BLM: variants seen among roughly 807,000 people sequenced by gnomAD.
The protein encoded by BLM is BLM RecQ like helicase, also known as recQ-like DNA helicase BLM.
In BLM, 95 loss-of-function variants were observed where a neutral mutation model predicts 135.3. The ratio of observed to expected loss-of-function variants is 0.70; its 90% CI spans 0.59 to 0.83. The LOEUF (loss-of-function observed/expected upper bound fraction) is 0.83, where lower values mean the gene tolerates loss of function less well. BLM is among the 40% of genes least tolerant of loss of function. The pLI is 0.00. For missense variants in BLM, 1,518 were observed against 1,663.9 expected, an observed-to-expected ratio of 0.91 and a Z score of 1.53; for synonymous variants, 520 against 589.2, an observed-to-expected ratio of 0.88 and a Z score of 1.70.
chr15:90,725,563 G>T (rs546530705), intron 1 of BLM, among the ~76,000 whole-genome samples: 1 of 149,744 alleles, frequency 6.7e-6, no homozygotes, highest in African/African-American at 2.5e-5. Flanking sequence ...GCACCATCTC[G>T]GCTCACTGCA....
intron 12 of BLM, among the ~76,000 whole-genome samples, chr15:90,774,327 C>T (rs562277060): frequency 1.1e-4 from 16 of 151,862 alleles, no homozygotes; most frequent in African/African-American, 3.9e-4. Context: ...CCATCTCGAC[C>T]TCCCAAAGTG....
At chr15:90,752,274 C>G (rs1895708921) in intron 4 of BLM, among the ~76,000 whole-genome samples, 1 of 151,660 alleles carries the variant, frequency 6.6e-6, no homozygotes, top group African/African-American at 2.4e-5. Flanking sequence ...CTCCCGGGTT[C>G]AAGTGATTCT....
intron 14 of BLM, among the ~76,000 whole-genome samples, chr15:90,785,997 TC>T: frequency 6.9e-6 from 1 of 145,978 alleles, no homozygotes; most frequent in African/African-American, 2.6e-5. Context: ...TTCGTTTCTT[TC>T]TTTTTTTTTT....
chr15:90,815,518 G>A lies in BLM; in HGVS notation c.*239G>A, dbSNP rs987715629. On this transcript the variant is annotated 3_prime_UTR_variant, in exon 22 of 22. Transcript: ENST00000355112. This position sits in a 1 kb window ranked among gnomAD's most constrained non-coding sequence, Gnocchi z 4.6. ...GTTGTTTCTCAGAACGTCTGAGGCAGCAGCTGAATCATCTCAGTGCAAGAG... is the reference window on the plus strand; with the variant it reads ...GTTGTTTCTCAGAACGTCTGAGGCAACAGCTGAATCATCTCAGTGCAAGAG... 1 of 532,736 alleles carries A rather than the reference G, an allele frequency of 1.9e-6. No homozygotes were observed. 33.0% of individuals were successfully genotyped at this position (532,736 alleles called of 1,614,324 possible).
intron 11 of BLM, 73 bp from the exon 12 acceptor site, chr15:90,769,365 A>T: frequency 6.3e-7 from 1 of 1,585,014 alleles, no homozygotes. Flanking sequence ...TTCTTAATAC[A>T]TTGAGCAGTG....
At chr15:90,726,950 T>C (rs975036114) in intron 1 of BLM, among the ~76,000 whole-genome samples, 3 of 152,162 alleles carry the variant, frequency 2.0e-5, no homozygotes, top group African/African-American at 7.2e-5. Flanking sequence ...AAGTGTTCAG[T>C]AGTGGGTTTG....
intron 1 of BLM, among the ~76,000 whole-genome samples, chr15:90,733,241 A>T (rs1455059230): frequency 1.3e-5 from 2 of 152,264 alleles, no homozygotes; most frequent in East Asian, 3.8e-4. Context: ...GGATTAATTT[A>T]TGTACCTTTA....
chr15:90,815,348 G>T lies in BLM; in HGVS notation c.*69G>T. 6.5e-7 allele frequency: 1 copy of T among 1,539,484 alleles called. No individual in the cohort carries two copies. The highest frequency in any genetic ancestry group is 9.0e-7 in the Non-Finnish European group (1 of 1,114,594). Reference sequence around the variant, plus strand: ...GCATCTGACCATCTGTGACTATAAAGCTGTTATTCTTGTTATACCATTTGA... The same window carrying T: ...GCATCTGACCATCTGTGACTATAAATCTGTTATTCTTGTTATACCATTTGA... On this transcript the variant is annotated 3_prime_UTR_variant, in exon 22 of 22. Transcript: ENST00000355112. The surrounding 1 kb of genome is among the most constrained non-coding windows in gnomAD (Gnocchi z 4.6).
intron 12 of BLM, among the ~76,000 whole-genome samples, chr15:90,778,576 A>G (rs112027573): frequency 1.3e-5 from 2 of 152,108 alleles, no homozygotes; most frequent in African/African-American, 4.8e-5. Context: ...TCTGCTTTCT[A>G]TGTATAGATT....
chr15:90,769,286 A>G (rs1896229967), intron 11 of BLM, 55 bp downstream of exon 11: 9 of 1,532,014 alleles, frequency 5.9e-6, no homozygotes, highest in Admixed American at 3.3e-5. Flanking sequence ...TACCAACAAT[A>G]TATGTATTTA....
chr15:90,748,590 A>C (rs1414111802), intron 2 of BLM, among the ~76,000 whole-genome samples: 1 of 152,092 alleles, frequency 6.6e-6, no homozygotes, highest in Non-Finnish European at 1.5e-5. Context: ...CTGGCTTTGA[A>C]GTCACCACTG....
In BLM at chr15:90,754,960, T is replaced by C. The variant is rs748671302; in HGVS notation, c.1087+22T>C. ...GACGGTACAAGCAATATTTTAGACA[T>C]ACCATGTATTTCAACTACTTACTTT... On this transcript the variant is annotated intron_variant, in intron 5 of 21. Coordinates refer to ENST00000355112, the MANE Select transcript of BLM (RefSeq NM_000057.4). 9 of 1,612,710 alleles carry C rather than the reference T, an allele frequency of 5.6e-6. No homozygotes were observed. In the South Asian group the frequency reaches 9.9e-5, roughly 18 times the overall value.
chr15:90,721,864 G>T (rs1032098238), intron 1 of BLM, among the ~76,000 whole-genome samples: 5 of 151,600 alleles, frequency 3.3e-5, no homozygotes, highest in African/African-American at 9.7e-5. Flanking sequence ...CCAGGAGGCA[G>T]AGATTGCAGT....
chr15:90,763,124 C>T lies in BLM; in HGVS notation c.2041C>T (p.Leu681Phe), dbSNP rs768774375. The change falls in exon 8 of 22, where the codon CTT (leucine) becomes TTT (phenylalanine). Residue 681 changes from leucine (L) to phenylalanine (F), a missense_variant. Around this residue, in one of 5 missense-constraint regions of BLM, gnomAD observed 13 missense variants for 35.8 expected, o/e 0.36. Transcript: ENST00000355112. ...NQLEAINAAL[L>F]GEDCFILMPT... ...GCTAGAGGCGATCAATGCTGCACTGCTTGGTGAAGACTGTTTTATCCTGAT... is the reference window on the plus strand; with the variant it reads ...GCTAGAGGCGATCAATGCTGCACTGTTTGGTGAAGACTGTTTTATCCTGAT... 6 of 1,614,026 alleles carry T rather than the reference C, an allele frequency of 3.7e-6. No homozygotes were observed. Among genetic ancestry groups the T allele is most frequent in the Non-Finnish European group, 5.1e-6 (6 of 1,179,974 alleles).
chr15:90,798,184 T>G lies in BLM; in HGVS notation c.3211-6T>G. 1 of 1,596,646 alleles carries G rather than the reference T, an allele frequency of 6.3e-7. No individual in the cohort carries two copies. Among genetic ancestry groups the G allele is most frequent in the Non-Finnish European group, 8.6e-7 (1 of 1,165,886 alleles). Reference sequence around the variant, plus strand: ...ATAGCAGAAAGTATTCTCTTTTTATTCATAGGATTATAAAACAAGAGATGT... The same window carrying G: ...ATAGCAGAAAGTATTCTCTTTTTATGCATAGGATTATAAAACAAGAGATGT... On this transcript the variant is annotated splice_polypyrimidine_tract_variant and splice_region_variant and intron_variant, in intron 16 of 21. Coordinates refer to ENST00000355112, the MANE Select transcript of BLM (RefSeq NM_000057.4).
rs1200392081 is a variant in BLM, at chr15:90,765,296, G to T, written c.2075G>T (p.Gly692Val). ...ATATTTTTTCATTGTTCTCTTTCAG[G>T]AGGTGGTAAGAGTTTGTGTTACCAG... The part of the protein sequence containing the change: ...GEDCFILMPT[G>V]GGKSLCYQLP... Residue 692 changes from glycine (G) to valine (V), a missense_variant and splice_region_variant, in exon 9 of 22, where the codon GGA becomes GTA. Coordinates refer to ENST00000355112, the MANE Select transcript of BLM (RefSeq NM_000057.4). The T allele has an allele frequency of 3.1e-6, 5 of 1,595,274 alleles. No homozygotes were observed. The South Asian group carries it at 5.5e-5, about 18-fold the overall frequency.
At chr15:90,719,023 G>A (rs1419390184) in intron 1 of BLM, among the ~76,000 whole-genome samples, 3 of 151,998 alleles carry the variant, frequency 2.0e-5, no homozygotes, top group South Asian at 2.1e-4. Flanking sequence ...ATGGAGTCTC[G>A]CTCTGTCGCC....
intron 7 of BLM, 74 bp downstream of exon 7, chr15:90,761,329 A>G (rs535798315): frequency 1.8e-6 from 2 of 1,117,508 alleles, no homozygotes; most frequent in East Asian, 5.7e-5. Context: ...AAGAAAAACC[A>G]TAGCAAATCA....
chr15:90,750,705 G>A (rs1051368690), intron 3 of BLM, among the ~76,000 whole-genome samples: 12 of 152,140 alleles, frequency 7.9e-5, no homozygotes. Context: ...GATATTTTGA[G>A]CAAGGGAGAC....
Sources: gnomAD v4.1 joint callset for allele counts (sites outside exome capture counted in the v4.1 genomes callset) on GRCh38, gnomAD v4.1.1 for gene constraint, gnomAD v4.1.1 regional missense constraint, Gnocchi (gnomAD v3.1) non-coding constraint, MANE v1.5 for transcripts, NCBI Gene and HGNC (gene_info 2026-07-23, HGNC 2026-07-21) for gene names.